The following LIPI variants were observed in gnomAD, a reference collection of about 807,000 sequenced individuals.
LIPI encodes the protein lipase I, also known as lipase member I.
LIPI carries 59 observed loss-of-function variants against 50.6 expected under a neutral mutation model. The observed-to-expected ratio is 1.16, with a 90% CI of 0.94 to 1.45. The LOEUF is 1.45. LIPI is among the 40% of genes most tolerant of loss of function. LIPI has a pLI of 0.00. For missense variants in LIPI, 586 were observed against 536.3 expected (o/e 1.09, Z -0.92); for synonymous variants, 203 against 178.2 (o/e 1.14, Z -1.11).
intron 9 of LIPI, among the ~76,000 whole-genome samples, chr21:14,117,522 T>G (rs2822410): frequency 0.48 from 72,887 of 151,990 alleles, 17,715 homozygotes; most frequent in South Asian, 0.54. Flanking sequence ...TGCTAAACTT[T>G]CTGAGATACT....
At chr21:14,138,748 T>C (rs1378137441) in intron 9 of LIPI, among the ~76,000 whole-genome samples, 1 of 152,136 alleles carries the variant, frequency 6.6e-6, no homozygotes, top group East Asian at 1.9e-4. Flanking sequence ...AGTCGATTTA[T>C]TTATAATTTT....
chr21:14,177,582 C>T (rs181550127), intron 4 of LIPI, among the ~76,000 whole-genome samples: 3 of 151,992 alleles, frequency 2.0e-5, no homozygotes, highest in African/African-American at 4.8e-5. Context: ...TCTTTTCTTG[C>T]TAGATACCCT....
chr21:14,204,767 T>A (rs1322442259), intron 1 of LIPI, among the ~76,000 whole-genome samples: 1 of 151,958 alleles, frequency 6.6e-6, no homozygotes, highest in Non-Finnish European at 1.5e-5. Context: ...ATTCTAGTTA[T>A]ATTAAAGTAT....
chr21:14,177,075 G>C (rs922658697), intron 4 of LIPI, among the ~76,000 whole-genome samples: 1 of 152,046 alleles, frequency 6.6e-6, no homozygotes, highest in Non-Finnish European at 1.5e-5. Context: ...CACTATGATT[G>C]TGTAGTTGCC....
chr21:14,207,774 A>G (rs902640906), intron 1 of LIPI, among the ~76,000 whole-genome samples: 1 of 152,244 alleles, frequency 6.6e-6, no homozygotes, highest in African/African-American at 2.4e-5. Context: ...ATCTAAAAGA[A>G]TTAAAGAGAA....
chr21:14,149,986 C>T (rs1356368013), intron 8 of LIPI, among the ~76,000 whole-genome samples: 2 of 152,140 alleles, frequency 1.3e-5, no homozygotes, highest in East Asian at 1.9e-4. Context: ...CACAGCTCCA[C>T]GAGGCAGTGC....
At chr21:14,144,532 T>C in intron 9 of LIPI, 91 bp downstream of exon 9, 4 of 679,410 alleles carry the variant, frequency 5.9e-6, no homozygotes, top group South Asian at 5.5e-5. Flanking sequence ...AACAGATATT[T>C]GAATACATGA....
intron 9 of LIPI, among the ~76,000 whole-genome samples, chr21:14,124,698 C>T (rs12627207): frequency 0.13 from 19,484 of 152,214 alleles, 1,643 homozygotes; most frequent in East Asian, 0.41. Flanking sequence ...TTTCTTTGTC[C>T]GGGGCTCAGA....
At chr21:14,156,119 ATTG>A (rs1159217151) in intron 7 of LIPI, among the ~76,000 whole-genome samples, 2 of 151,990 alleles carry the variant, frequency 1.3e-5, no homozygotes, top group Non-Finnish European at 2.9e-5. Context: ...GCATATTGTA[ATTG>A]TTGTAGGCCT....
At chr21:14,196,172 A>AAAAAAAAAAAAAAAAAAAAACAAT (rs139955022) in intron 1 of LIPI, among the ~76,000 whole-genome samples, 1 of 138,316 alleles carries the variant, frequency 7.2e-6, no homozygotes, top group Non-Finnish European at 1.6e-5. Context: ...AAAAAACAAA[A>AAAAAAAAAAAAAAAAAAAAACAAT]CAAGAAGTAT....
intron 1 of LIPI, among the ~76,000 whole-genome samples, chr21:14,208,718 G>A (rs2020288272): frequency 6.6e-6 from 1 of 152,156 alleles, no homozygotes; most frequent in African/African-American, 2.4e-5. Flanking sequence ...GAGACTGTAT[G>A]GCCCACAAAA....
At chr21:14,203,927 G>A (rs113079564) in intron 1 of LIPI, among the ~76,000 whole-genome samples, 70 of 152,088 alleles carry the variant, frequency 4.6e-4, no homozygotes, top group Admixed American at 8.5e-4. Context: ...TGAGATCATA[G>A]CCTTCACAGG....
In LIPI at chr21:14,205,107, A is replaced by G. The variant is rs2123350529; in HGVS notation, c.46+5693T>C. 2.6e-5 allele frequency among the ~76,000 whole-genome samples: 4 copies of G among 151,962 alleles called. No individual in the cohort carries two copies. In the South Asian group the frequency reaches 8.3e-4, roughly 32 times the overall value. ...AAACAGATATTTTCTAAAAATATTC[A>G]AAGAGTTCATAAATGTATTAAACAT... On this transcript the variant is annotated intron_variant, in intron 1 of 9. Transcript: ENST00000681601.
intron 7 of LIPI, among the ~76,000 whole-genome samples, chr21:14,160,425 A>T (rs1795380415): frequency 6.6e-6 from 1 of 151,396 alleles, no homozygotes; most frequent in African/African-American, 2.4e-5. Context: ...CCAATTGTTG[A>T]TAAAGATGCA....
chr21:14,122,507 C>A (rs367591841), intron 9 of LIPI, among the ~76,000 whole-genome samples: 1 of 152,196 alleles, frequency 6.6e-6, no homozygotes. Context: ...GCCTGTCAGG[C>A]TGCACACCTC....
At position 14,165,208 on chromosome 21, in the gene LIPI, A is replaced by G; in HGVS notation, c.901+15T>C. The stretch of plus-strand genomic sequence containing the variant: ...ATTAAATAAGAATGATAGTAACTAT[A>G]ATAATCTCTCTTACCCAGCCGAGGA... On this transcript the variant is annotated intron_variant, in intron 6 of 9. Transcript: ENST00000681601. The G allele has an allele frequency of 1.9e-6, 3 of 1,566,078 alleles. No homozygotes were observed. Among genetic ancestry groups the G allele is most frequent in the Non-Finnish European group, 2.6e-6 (3 of 1,137,394 alleles).
chr21:14,175,083 C>T (rs2019048724), intron 4 of LIPI, among the ~76,000 whole-genome samples: 1 of 152,114 alleles, frequency 6.6e-6, no homozygotes, highest in African/African-American at 2.4e-5. Flanking sequence ...TTTCCATTCT[C>T]CTATTGTGGT....
chr21:14,137,493 A>G (rs913523467), intron 9 of LIPI, among the ~76,000 whole-genome samples: 2 of 152,194 alleles, frequency 1.3e-5, no homozygotes, highest in African/African-American at 4.8e-5. Context: ...GATATAGCAG[A>G]AAGAAGAATT....
rs536320031 is a variant in LIPI at position 14,118,450 on chromosome 21, G to A, written c.1296-9370C>T. ...ATGACTGGAGACCGAAAAGTCCAAC[G>A]TAAGTTCTTATATTTGCCAAACTGC... On this transcript the variant is annotated intron_variant, in intron 9 of 9. Transcript: ENST00000681601. 1.8e-4 allele frequency among the ~76,000 whole-genome samples: 28 copies of A among 152,240 alleles called. 2 individuals carry two copies. The highest frequency in any genetic ancestry group is 1.2e-3 in the South Asian group (6 of 4,822).
Sources: gnomAD v4.1 joint callset for allele counts (sites outside exome capture counted in the v4.1 genomes callset) on GRCh38, gnomAD v4.1.1 for gene constraint, MANE v1.5 for transcripts, NCBI Gene and HGNC (gene_info 2026-07-23, HGNC 2026-07-21) for gene names.